WDR70: variants seen among roughly 807,000 people sequenced by gnomAD.
The protein encoded by WDR70 is WD repeat-containing protein 70.
A neutral mutation model predicts 88.6 loss-of-function variants in WDR70; 53 were observed. The observed-to-expected ratio is 0.60, with a 90% CI of 0.48 to 0.75. WDR70 has a LOEUF of 0.75. Ranked by LOEUF, WDR70 falls within the 30% of genes least tolerant of loss-of-function variation. The pLI, the probability that WDR70 is intolerant of heterozygous loss-of-function variation, is 0.00. For synonymous variants in WDR70, 280 were observed against 270.0 expected (o/e 1.04, Z -0.36); for missense variants, 610 against 823.2 (o/e 0.74, Z 3.17).
intron 8 of WDR70, among the ~76,000 whole-genome samples, chr5:37,497,099 C>T (rs1740239488): frequency 6.6e-6 from 1 of 152,190 alleles, no homozygotes; most frequent in South Asian, 2.1e-4. Context: ...GACCAGATCC[C>T]TGTTAACTGC....
At chr5:37,479,618 G>T (rs1739596349) in intron 7 of WDR70, 1 of 433,166 alleles carries the variant, frequency 2.3e-6, no homozygotes, top group Non-Finnish European at 4.1e-6. Context: ...TGATCCATCT[G>T]CCTTGGCCTC....
chr5:37,595,948 T>C (rs1223823637), intron 9 of WDR70, among the ~76,000 whole-genome samples: 4 of 152,208 alleles, frequency 2.6e-5, no homozygotes, highest in Non-Finnish European at 5.9e-5. Context: ...GAATGTTAAA[T>C]GTGTAGATTT....
intron 10 of WDR70, among the ~76,000 whole-genome samples, chr5:37,681,956 G>A (rs1746448701): frequency 6.6e-6 from 1 of 152,108 alleles, no homozygotes; most frequent in African/African-American, 2.4e-5. Flanking sequence ...AATGAGTTAA[G>A]GAAGAGTCCC....
chr5:37,508,667 T>C (rs1180575963), intron 8 of WDR70, among the ~76,000 whole-genome samples: 1 of 152,234 alleles, frequency 6.6e-6, no homozygotes, highest in Non-Finnish European at 1.5e-5. Flanking sequence ...CAATGTACTA[T>C]TCCTTTTAGA....
chr5:37,396,528 AGAAGAAGCAGAG>A lies in WDR70; in HGVS notation c.458_469del (p.Ala153_Glu156del), dbSNP rs763384455. ...TACCTCCACCTCTTAATGAAGAAGAAGAAGAAGCAGAGGAAGAAGAAGAGGAAGAGGAGGAAG... is the reference window on the plus strand; with the variant it reads ...TACCTCCACCTCTTAATGAAGAAGAAGAAGAAGAAGAGGAAGAGGAGGAAG... On this transcript the variant is annotated inframe_deletion, in exon 5 of 18. Transcript: ENST00000265107. The A allele has an allele frequency of 4.3e-6, 7 of 1,613,364 alleles. No individual in the cohort carries two copies. The South Asian group carries it at 5.5e-5, about 13-fold the overall frequency.
At chr5:37,570,608 C>T (rs1742873162) in intron 9 of WDR70, among the ~76,000 whole-genome samples, 1 of 151,938 alleles carries the variant, frequency 6.6e-6, no homozygotes, top group African/African-American at 2.4e-5. Context: ...CTAAGATCAA[C>T]CAAGAAATAG....
intron 10 of WDR70, among the ~76,000 whole-genome samples, chr5:37,639,976 C>A (rs532552701): frequency 6.6e-6 from 1 of 152,182 alleles, no homozygotes; most frequent in Non-Finnish European, 1.5e-5. Flanking sequence ...GATGAGAAAA[C>A]TAAGGCTTAA....
intron 8 of WDR70, among the ~76,000 whole-genome samples, chr5:37,492,555 C>T (rs1274316993): frequency 6.6e-6 from 1 of 152,148 alleles, no homozygotes; most frequent in Non-Finnish European, 1.5e-5. Flanking sequence ...ATCAGGTGAG[C>T]ACTTAAAAGC....
intron 8 of WDR70, chr5:37,505,730 TTCAAATATAGC>T: frequency 7.9e-7 from 1 of 1,272,422 alleles, no homozygotes. Context: ...TCAGCATCTC[TTCAAATATAGC>T]TCCCTACACG....
At chr5:37,485,846 C>A (rs1739847913) in intron 8 of WDR70, among the ~76,000 whole-genome samples, 1 of 146,826 alleles carries the variant, frequency 6.8e-6, no homozygotes. Flanking sequence ...CATGCGCCAC[C>A]ATGCCTGGCT....
At chr5:37,649,033 G>A (rs1333728576) in intron 10 of WDR70, among the ~76,000 whole-genome samples, 1 of 152,142 alleles carries the variant, frequency 6.6e-6, no homozygotes, top group African/African-American at 2.4e-5. Flanking sequence ...CCACATAATG[G>A]CATCTTTCTG....
intron 9 of WDR70, among the ~76,000 whole-genome samples, chr5:37,575,313 C>T (rs530666529): frequency 2.6e-4 from 39 of 152,194 alleles, no homozygotes; most frequent in Admixed American, 9.8e-4. Context: ...GGGATGATGG[C>T]GCACCTTCTA....
intron 9 of WDR70, among the ~76,000 whole-genome samples, chr5:37,587,043 C>T (rs1313492214): frequency 4.6e-5 from 7 of 152,144 alleles, no homozygotes; most frequent in African/African-American, 1.7e-4. Flanking sequence ...CCTCACTTTC[C>T]CTGTTCCATT....
At chr5:37,745,189 G>A (rs545600690) in intron 17 of WDR70, among the ~76,000 whole-genome samples, 1 of 152,122 alleles carries the variant, frequency 6.6e-6, no homozygotes, top group African/African-American at 2.4e-5. Flanking sequence ...CTTCATAAGC[G>A]AAGGAGAAAT....
At chr5:37,587,778 CTT>C (rs55980790) in intron 9 of WDR70, among the ~76,000 whole-genome samples, 51,169 of 121,906 alleles carry the variant, frequency 0.42, 9,104 homozygotes, top group Non-Finnish European at 0.51. Flanking sequence ...AAGCCCTATT[CTT>C]TTTTTTTTTT....
At chr5:37,705,056 G>A (rs911758680) in intron 13 of WDR70, among the ~76,000 whole-genome samples, 3 of 152,092 alleles carry the variant, frequency 2.0e-5, no homozygotes, top group East Asian at 3.8e-4. Context: ...AAAATACATA[G>A]AGATAAAATA....
intron 10 of WDR70, among the ~76,000 whole-genome samples, chr5:37,658,947 T>C (rs1468563887): frequency 6.6e-6 from 1 of 152,204 alleles, no homozygotes; most frequent in East Asian, 1.9e-4. Flanking sequence ...AGGGAGGGCC[T>C]GAAGAAGGGG....
At chr5:37,424,158 A>C (rs1310259700) in intron 5 of WDR70, among the ~76,000 whole-genome samples, 1 of 149,826 alleles carries the variant, frequency 6.7e-6, no homozygotes, top group Non-Finnish European at 1.5e-5. Context: ...CAAAAAAAAA[A>C]AAAAAAAAAA....
intron 12 of WDR70, among the ~76,000 whole-genome samples, chr5:37,702,683 A>C (rs1747200035): frequency 6.6e-6 from 1 of 152,176 alleles, no homozygotes; most frequent in Non-Finnish European, 1.5e-5. Flanking sequence ...TGACTGCCTA[A>C]GTTTGAATCC....
Sources: gnomAD v4.1 joint callset for allele counts (sites outside exome capture counted in the v4.1 genomes callset) on GRCh38, gnomAD v4.1.1 for gene constraint, MANE v1.5 for transcripts, NCBI Gene and HGNC (gene_info 2026-07-23, HGNC 2026-07-21) for gene names.